The following UBXN11 variants were observed in gnomAD, a reference collection of about 807,000 sequenced individuals.
UBXN11 encodes the protein UBX domain-containing protein 11.
A neutral mutation model predicts 62.8 loss-of-function variants in UBXN11; 47 were observed. The observed-to-expected ratio is 0.75, with a 90% confidence interval of 0.59 to 0.95. The LOEUF (loss-of-function observed/expected upper bound fraction) is 0.95. Among genes scored for constraint, UBXN11 ranks in the 40% least tolerant of loss-of-function variants. The pLI is 0.00. For missense variants in UBXN11, 638 were observed against 661.7 expected, an observed-to-expected ratio of 0.96 and a Z score of 0.39; for synonymous variants, 294 against 267.0, an observed-to-expected ratio of 1.10 and a Z score of -0.99.
chr1:26,284,411 C>T lies in UBXN11; in HGVS notation c.924G>A (p.Val308=), dbSNP rs202083576. ...LDPFPGEGRV[V]GRQLMHKALD... The stretch of plus-strand genomic sequence containing the variant: ...AGGCCTTGTGCATCAGCTGCCTGCC[C>T]ACCACACGGCCCTCGCCTGGGAAGG... Residue 308 remains valine (V), a synonymous_variant, in exon 11 of 15, where the codon GTG becomes GTA. Transcript: ENST00000374222. The T allele has an allele frequency of 3.9e-4, 633 of 1,613,912 alleles. 2 individuals carry two copies. In the African/African-American group the frequency reaches 7.9e-3, roughly 20 times the overall value.
chr1:26,302,331 C>T (rs1207940334), intron 2 of UBXN11, among the ~76,000 whole-genome samples: 1 of 128,668 alleles, frequency 7.8e-6, no homozygotes, highest in Non-Finnish European at 1.5e-5. Context: ...CTGCAATCCA[C>T]AGCCTGGGCG....
At chr1:26,307,063 G>T (rs1252593406), upstream of UBXN11, 2 of 152,242 alleles carry the variant, frequency 1.3e-5, no homozygotes, top group East Asian at 3.8e-4. Context: ...TTTGAGGATG[G>T]ATTGCAATGA....
chr1:26,291,337 C>T (rs1012611240), intron 8 of UBXN11, among the ~76,000 whole-genome samples: 6 of 152,192 alleles, frequency 3.9e-5, no homozygotes, highest in African/African-American at 1.4e-4. Flanking sequence ...CGAAAAACGT[C>T]ATTCATCTGG....
intron 1 of UBXN11, among the ~76,000 whole-genome samples, chr1:26,316,451 G>A (rs1033568052): frequency 2.4e-4 from 37 of 151,714 alleles, no homozygotes; most frequent in African/African-American, 9.0e-4. Flanking sequence ...GGGTTGTGGT[G>A]ACCAACTCCT....
At chr1:26,289,859 G>A (rs1173087940) in intron 8 of UBXN11, among the ~76,000 whole-genome samples, 2 of 152,190 alleles carry the variant, frequency 1.3e-5, no homozygotes, top group East Asian at 3.9e-4. Flanking sequence ...AGGCAAAGAC[G>A]GCTGCAACAG....
At position 26,302,925 on chromosome 1, in the gene UBXN11, G is replaced by T; in HGVS notation, c.-35-7C>A. The T allele has an allele frequency of 1.9e-6, 3 of 1,597,132 alleles. No homozygotes were observed. Among genetic ancestry groups the T allele is most frequent in the Non-Finnish European group, 2.6e-6 (3 of 1,166,642 alleles). ...TCCAGCTGTCAGGAACTCCCTAGAG[G>T]AATGCAGGAAGTCAGCCCCTGGGGA... On this transcript the variant is annotated splice_polypyrimidine_tract_variant and splice_region_variant and intron_variant, in intron 1 of 14. Coordinates refer to ENST00000374222, the MANE Select transcript of UBXN11 (RefSeq NM_001389556.1).
At chr1:26,310,802 GA>G (rs1400983956), upstream of UBXN11, among the ~76,000 whole-genome samples, 2 of 87,104 alleles carry the variant, frequency 2.3e-5, no homozygotes, top group Non-Finnish European at 6.1e-5. Flanking sequence ...AAGCTCATCT[GA>G]TTTTTTTTTT....
At chr1:26,302,296 G>A (rs1239103475) in intron 2 of UBXN11, among the ~76,000 whole-genome samples, 1 of 144,388 alleles carries the variant, frequency 6.9e-6, no homozygotes, top group African/African-American at 2.6e-5. Context: ...GGAGGCACAG[G>A]TTGCAGTGAG....
intron 1 of UBXN11, chr1:26,317,809 A>G: frequency 1.8e-6 from 1 of 557,702 alleles, no homozygotes; most frequent in Non-Finnish European, 3.2e-6. Flanking sequence ...CCAGGGCCTT[A>G]GAACCTAGAG....
intron 4 of UBXN11, among the ~76,000 whole-genome samples, chr1:26,300,305 AGAG>A (rs1302789499): frequency 6.6e-6 from 1 of 152,168 alleles, no homozygotes. Flanking sequence ...CCCACTTCAC[AGAG>A]GAGGCCTCAG....
chr1:26,283,055 G>A, intron 12 of UBXN11, 118 bp from the exon 13 acceptor site: 1 of 1,337,852 alleles, frequency 7.5e-7, no homozygotes, highest in African/African-American at 1.4e-5. Context: ...CAAAGCGGGA[G>A]GGGGTGTTCT....
intron 1 of UBXN11, among the ~76,000 whole-genome samples, chr1:26,317,724 G>A (rs1371843638): frequency 1.3e-5 from 2 of 151,976 alleles, no homozygotes; most frequent in African/African-American, 4.8e-5. Context: ...TCCAGGCCTT[G>A]GGCCCTACTT....
intron 8 of UBXN11, among the ~76,000 whole-genome samples, chr1:26,287,518 T>G (rs2073160293): frequency 6.6e-6 from 1 of 152,012 alleles, no homozygotes; most frequent in Non-Finnish European, 1.5e-5. Flanking sequence ...CAATAACTTT[T>G]GGGGCCTCAG....
chr1:26,295,541 G>A (rs908848438), intron 7 of UBXN11, among the ~76,000 whole-genome samples: 2 of 152,060 alleles, frequency 1.3e-5, no homozygotes, highest in Admixed American at 6.5e-5. Context: ...CTCTTTTCCC[G>A]TTCTTCTCCT....
chr1:26,299,009 C>T (rs986042487), intron 4 of UBXN11, among the ~76,000 whole-genome samples: 1 of 152,120 alleles, frequency 6.6e-6, no homozygotes, highest in Non-Finnish European at 1.5e-5. Flanking sequence ...AATTAACACC[C>T]CTGGAGCTGC....
At chr1:26,307,488 A>C (rs17184982), upstream of UBXN11, among the ~76,000 whole-genome samples, 4 of 92,026 alleles carry the variant, frequency 4.3e-5, no homozygotes, top group Admixed American at 1.1e-4. Flanking sequence ...TCCTGCTGTT[A>C]ATCATCATCA....
rs577827899 is a variant in UBXN11, at chr1:26,303,584, C to A, written c.-35-666G>T. Among the ~76,000 whole-genome samples the A allele has an allele frequency of 1.6e-4, 21 of 133,604 alleles. 1 individual carries two copies. The South Asian group carries it at 3.6e-3, about 23-fold the overall frequency. The allele number at this position is 133,604 out of a possible 152,430, so 87.6% of individuals were successfully genotyped here. On this transcript the variant is annotated intron_variant, in intron 1 of 14. Transcript: ENST00000374222. ...GAGGATGCAATGAGATGAGACTGCA[C>A]CATTGCACTCCAACCAACCTGGGCA...
At chr1:26,292,615 G>A (rs1289523262) in intron 8 of UBXN11, among the ~76,000 whole-genome samples, 1 of 152,142 alleles carries the variant, frequency 6.6e-6, no homozygotes, top group Non-Finnish European at 1.5e-5. Flanking sequence ...CAGCACTTTG[G>A]GATGCCGAGG....
At chr1:26,290,692 G>A (rs567829786) in intron 8 of UBXN11, among the ~76,000 whole-genome samples, 49 of 152,192 alleles carry the variant, frequency 3.2e-4, no homozygotes, top group African/African-American at 1.1e-3. Flanking sequence ...GGAGGGAGGC[G>A]TGTGGGGTGC....
Sources: gnomAD v4.1 joint callset for allele counts (sites outside exome capture counted in the v4.1 genomes callset) on GRCh38, gnomAD v4.1.1 for gene constraint, MANE v1.5 for transcripts, NCBI Gene and HGNC (gene_info 2026-07-23, HGNC 2026-07-21) for gene names.